ZNF710: variants seen among roughly 807,000 people sequenced by gnomAD.
ZNF710 encodes zinc finger protein 710.
ZNF710 carries 13 observed loss-of-function variants against 50.6 expected under a neutral mutation model. The observed-to-expected ratio is 0.26, with a 90% CI of 0.17 to 0.41. ZNF710 has a LOEUF of 0.41. Ranked by LOEUF, ZNF710 falls within the 10% of genes least tolerant of loss-of-function variation. The pLI, the probability that ZNF710 is intolerant of heterozygous loss-of-function variation, is 1.00. For synonymous variants in ZNF710, 383 were observed against 397.0 expected (o/e 0.96, Z 0.42); for missense variants, 721 against 936.6 (o/e 0.77, Z 3.01).
chr15:90,077,700 A>C (rs924074514), intron 4 of ZNF710, among the ~76,000 whole-genome samples: 2 of 152,222 alleles, frequency 1.3e-5, no homozygotes, highest in African/African-American at 2.4e-5. Flanking sequence ...TAGATGCTAC[A>C]GGCACAAGTA....
At chr15:90,053,439 C>T (rs1308366324) in intron 1 of ZNF710, among the ~76,000 whole-genome samples, 1 of 151,950 alleles carries the variant, frequency 6.6e-6, no homozygotes, top group Non-Finnish European at 1.5e-5. Context: ...ACCTCGACCT[C>T]CCAGACTCAA....
At chr15:90,022,614 C>T (rs867120949) in intron 1 of ZNF710, among the ~76,000 whole-genome samples, 3 of 152,280 alleles carry the variant, frequency 2.0e-5, no homozygotes, top group African/African-American at 7.2e-5. Context: ...TGGCATAAGC[C>T]GGGAGACTTG....
Position 90,068,001 on chromosome 15 carries a change from G to T in ZNF710, c.864G>T (p.Ala288=), listed in dbSNP as rs150089562. The T allele has an allele frequency of 6.2e-7, 1 of 1,614,018 alleles. No homozygotes were observed. Among genetic ancestry groups the T allele is most frequent in the Non-Finnish European group, 8.5e-7 (1 of 1,180,026 alleles). The part of the protein sequence containing the change: ...VQIDDSYLVE[A]GDRQKRWQCR... ...TTGACGACTCCTATCTGGTGGAGGCGGGCGACCGCCAGAAGCGCTGGCAGT... is the reference window on the plus strand; with the variant it reads ...TTGACGACTCCTATCTGGTGGAGGCTGGCGACCGCCAGAAGCGCTGGCAGT... Residue 288 remains alanine, a synonymous_variant, in exon 2 of 5, where the codon GCG becomes GCT. Transcript: ENST00000268154. The surrounding 1 kb of genome is among the most constrained non-coding windows in gnomAD (Gnocchi z 5.0).
At chr15:90,052,948 TTAAAA>T (rs199737088) in intron 1 of ZNF710, among the ~76,000 whole-genome samples, 41 of 152,160 alleles carry the variant, frequency 2.7e-4, no homozygotes, top group African/African-American at 7.7e-4. Flanking sequence ...ATAATAATTA[TTAAAA>T]TAAAATAAAA....
intron 2 of ZNF710, among the ~76,000 whole-genome samples, chr15:90,070,913 G>A (rs1178750004): frequency 6.6e-6 from 1 of 152,228 alleles, no homozygotes; most frequent in African/African-American, 2.4e-5. Context: ...TGTGCAGGGT[G>A]ACAGCATATA....
intron 1 of ZNF710, among the ~76,000 whole-genome samples, chr15:90,066,623 C>G (rs534809299): frequency 6.6e-6 from 1 of 151,794 alleles, no homozygotes; most frequent in South Asian, 2.1e-4. Flanking sequence ...TTACAGGTGC[C>G]GGCCACCACG....
intron 1 of ZNF710, among the ~76,000 whole-genome samples, chr15:90,046,764 C>A (rs766170252): frequency 6.6e-6 from 1 of 152,186 alleles, no homozygotes; most frequent in Non-Finnish European, 1.5e-5. Flanking sequence ...GGGGAAAAGG[C>A]TGTCCTCCCT....
intron 1 of ZNF710, among the ~76,000 whole-genome samples, chr15:90,063,440 T>C (rs1381304881): frequency 6.6e-6 from 1 of 152,070 alleles, no homozygotes. Flanking sequence ...AATGAGAAGC[T>C]GTAGGTCTTC....
chr15:90,033,709 C>T (rs1899016847), intron 1 of ZNF710, among the ~76,000 whole-genome samples: 2 of 152,216 alleles, frequency 1.3e-5, no homozygotes, highest in African/African-American at 4.8e-5. Context: ...TAGGCATTCG[C>T]TACCATGCCC....
In ZNF710 at chr15:90,001,485, C is replaced by CGGCGGGCGCGCGTGGA. The variant is rs1369489467; in HGVS notation, c.-149_-134dup. The CGGCGGGCGCGCGTGGA allele has an allele frequency of 6.6e-6, 1 of 150,818 alleles. No individual in the cohort carries two copies. The highest frequency in any genetic ancestry group is 1.5e-5 in the Non-Finnish European group (1 of 67,792). The allele number at this position is 150,818 out of a possible 1,614,324, so 9.3% of individuals were successfully genotyped here. A position where few individuals can be genotyped will look rare whatever the true frequency, so the allele number is the denominator to read the frequency against. On this transcript the variant is annotated 5_prime_UTR_variant, in exon 1 of 5. Coordinates refer to ENST00000268154, the MANE Select transcript of ZNF710 (RefSeq NM_198526.4). Reference sequence around the variant, plus strand: ...CCGGAGGGAGGGCGGCAGGAGCAGGCGGCGGGCGCGCGTGGAGGCGGGCGG... The same window carrying CGGCGGGCGCGCGTGGA: ...CCGGAGGGAGGGCGGCAGGAGCAGGCGGCGGGCGCGCGTGGAGGCGGGCGCGCGTGGAGGCGGGCGG...
At chr15:90,051,112 G>T (rs1433300882) in intron 1 of ZNF710, among the ~76,000 whole-genome samples, 2 of 151,986 alleles carry the variant, frequency 1.3e-5, no homozygotes, top group African/African-American at 4.8e-5. Context: ...GGTGACACAT[G>T]CCTGTAGTCC....
At chr15:90,053,792 C>A (rs1264399855) in intron 1 of ZNF710, among the ~76,000 whole-genome samples, 1 of 152,106 alleles carries the variant, frequency 6.6e-6, no homozygotes, top group East Asian at 1.9e-4. Flanking sequence ...TGGGATGCCT[C>A]CTCCCAGGGA....
intron 1 of ZNF710, among the ~76,000 whole-genome samples, chr15:90,042,941 C>T (rs1567231481): frequency 6.6e-6 from 1 of 152,250 alleles, no homozygotes. Context: ...GAGGCCCTCC[C>T]TCGTGAGTGA....
chr15:90,020,755 G>C (rs1158689835), intron 1 of ZNF710, among the ~76,000 whole-genome samples: 2 of 152,158 alleles, frequency 1.3e-5, no homozygotes, highest in African/African-American at 4.8e-5. Flanking sequence ...CCCGTTATCT[G>C]TCTGGGGATG....
chr15:90,030,998 G>A (rs370490212), intron 1 of ZNF710, among the ~76,000 whole-genome samples: 1,710 of 128,300 alleles, frequency 0.013, 18 homozygotes, highest in South Asian at 0.021. Flanking sequence ...CAGCCTGGGC[G>A]ACAGAGCGAG....
chr15:90,074,619 C>G lies in ZNF710; in HGVS notation c.1825+329C>G, dbSNP rs918544704. ...TGGCTCTGTCATTGTCATCGTTTTA[C>G]AGATGCAGAAACTGAAGAACAGAGA... On this transcript the variant is annotated intron_variant, in intron 4 of 4. Coordinates refer to ENST00000268154, the MANE Select transcript of ZNF710 (RefSeq NM_198526.4). 5 of 875,986 alleles carry G rather than the reference C, an allele frequency of 5.7e-6. No individual in the cohort carries two copies. In the Admixed American group the frequency reaches 1.5e-4, roughly 27 times the overall value. 54.3% of individuals were successfully genotyped at this position (875,986 alleles called of 1,614,324 possible).
At chr15:90,009,472 A>G (rs1898240727) in intron 1 of ZNF710, among the ~76,000 whole-genome samples, 1 of 151,508 alleles carries the variant, frequency 6.6e-6, no homozygotes, top group East Asian at 1.9e-4. Context: ...GAAATTCAGA[A>G]CTCTTCCTGT....
intron 1 of ZNF710, among the ~76,000 whole-genome samples, chr15:90,014,382 A>G (rs893682137): frequency 2.6e-5 from 4 of 152,054 alleles, no homozygotes; most frequent in African/African-American, 7.2e-5. Context: ...TTAATATAAA[A>G]TAAAGATGGC....
At chr15:90,042,516 A>T (rs1277571788) in intron 1 of ZNF710, among the ~76,000 whole-genome samples, 1 of 151,876 alleles carries the variant, frequency 6.6e-6, no homozygotes, top group Admixed American at 6.6e-5. Context: ...CAATAAACCA[A>T]TCAGTCTTCC....
Sources: allele counts gnomAD v4.1 joint callset (sites outside exome capture counted in the v4.1 genomes callset), GRCh38; gene constraint gnomAD v4.1.1; non-coding constraint Gnocchi (gnomAD v3.1); transcripts MANE v1.5; gene names NCBI Gene and HGNC (gene_info 2026-07-23, HGNC 2026-07-21).